Variants in TSHZ2 observed in about 807,000 individuals in gnomAD.
TSHZ2 encodes the protein teashirt homolog 2.
TSHZ2 carries 21 observed loss-of-function variants against 74.4 expected under a neutral mutation model. The observed-to-expected ratio is 0.28, with a 90% CI of 0.20 to 0.41. The LOEUF is 0.41. TSHZ2 is among the 10% of genes least tolerant of loss of function. The pLI, the probability that TSHZ2 is intolerant of heterozygous loss-of-function variation, is 1.00. For missense variants in TSHZ2, 1,244 were observed against 1,293.5 expected (o/e 0.96, Z 0.59); for synonymous variants, 540 against 515.3 (o/e 1.05, Z -0.65).
chr20:53,439,757 C>T (rs1028174125), intron 2 of TSHZ2, among the ~76,000 whole-genome samples: 2 of 152,162 alleles, frequency 1.3e-5, no homozygotes, highest in African/African-American at 2.4e-5. Context: ...GTTTCCACCC[C>T]CCTTGTTTTC....
chr20:53,012,736 A>T (rs1220855690), intron 1 of TSHZ2, among the ~76,000 whole-genome samples: 1 of 152,174 alleles, frequency 6.6e-6, no homozygotes, highest in Non-Finnish European at 1.5e-5. Flanking sequence ...ACACAGGTGC[A>T]CAAGTACACT....
intron 1 of TSHZ2, among the ~76,000 whole-genome samples, chr20:53,220,468 T>C (rs115569808): frequency 0.012 from 1,829 of 152,340 alleles, 30 homozygotes; most frequent in African/African-American, 0.042. Flanking sequence ...TTTGTTTGTT[T>C]GTGTTTTTTG....
intron 2 of TSHZ2, among the ~76,000 whole-genome samples, chr20:53,395,217 G>A (rs1047367152): frequency 9.9e-5 from 15 of 152,216 alleles, no homozygotes; most frequent in African/African-American, 3.6e-4. Flanking sequence ...TTGTCCTGGA[G>A]AAGCAGTTTC....
chr20:53,059,977 G>A (rs796401939), intron 1 of TSHZ2, among the ~76,000 whole-genome samples: 5 of 152,276 alleles, frequency 3.3e-5, no homozygotes, highest in South Asian at 2.1e-4. Context: ...GCCAAAGGCC[G>A]AGGGTTTGTA....
rs529341707 is a variant in TSHZ2, at chr20:53,247,037, G to GC, written c.41-6456dup. On this transcript the variant is annotated intron_variant, in intron 1 of 2. Transcript: ENST00000371497. Reference sequence around the variant, plus strand: ...GCAGAGTACTCATGGGCTCAGGATGGCCCCCCATCACTGTACCCACGCCAT... The same window carrying GC: ...GCAGAGTACTCATGGGCTCAGGATGGCCCCCCCATCACTGTACCCACGCCAT... 1.2e-4 allele frequency among the ~76,000 whole-genome samples: 19 copies of GC among 152,202 alleles called. No individual in the cohort carries two copies. In the East Asian group the frequency reaches 2.5e-3, roughly 20 times the overall value.
rs1184885442 is a variant in TSHZ2 at position 53,463,439 on chromosome 20, G to GAAGGAAGGAAGGAAGA, written c.*9-23704_*9-23703insAGGAAGGAAGGAAGAA. Among the ~76,000 whole-genome samples, 64 of 141,910 alleles carry GAAGGAAGGAAGGAAGA rather than the reference G, an allele frequency of 4.5e-4. 1 individual carries two copies. Among genetic ancestry groups the GAAGGAAGGAAGGAAGA allele is most frequent in the Non-Finnish European group, 6.3e-4 (41 of 65,166 alleles). The allele number at this position is 141,910 out of a possible 152,430, so 93.1% of individuals were successfully genotyped here. A position where few individuals can be genotyped will look rare whatever the true frequency, so the allele number is the denominator to read the frequency against. Reference sequence around the variant, plus strand: ...GGAAGGAAGGAAGGAAGGAAGGAGGGAGGGAGGGAAGGAAGGAAGGAAGGT... The same window carrying GAAGGAAGGAAGGAAGA: ...GGAAGGAAGGAAGGAAGGAAGGAGGGAAGGAAGGAAGGAAGAAGGGAGGGAAGGAAGGAAGGAAGGT... On this transcript the variant is annotated intron_variant, in intron 2 of 2. Coordinates refer to ENST00000371497, the MANE Select transcript of TSHZ2 (RefSeq NM_173485.6).
At chr20:53,261,607 A>G (rs1990602306) in intron 2 of TSHZ2, among the ~76,000 whole-genome samples, 1 of 152,240 alleles carries the variant, frequency 6.6e-6, no homozygotes, top group Non-Finnish European at 1.5e-5. Context: ...AACTCCGTCT[A>G]TGCATCTCAG....
At chr20:53,248,236 A>ATTTTTTTT (rs763355998) in intron 1 of TSHZ2, among the ~76,000 whole-genome samples, 1 of 144,930 alleles carries the variant, frequency 6.9e-6, no homozygotes. Context: ...ATGCCTGGCT[A>ATTTTTTTT]TTTTTTTTTT....
chr20:53,172,693 G>T (rs1216187116), intron 1 of TSHZ2, among the ~76,000 whole-genome samples: 3 of 152,214 alleles, frequency 2.0e-5, no homozygotes, highest in Non-Finnish European at 4.4e-5. Flanking sequence ...CTGTTTAACA[G>T]AGAGGAAACT....
At chr20:53,250,637 A>T (rs1478368146) in intron 1 of TSHZ2, among the ~76,000 whole-genome samples, 4 of 152,182 alleles carry the variant, frequency 2.6e-5, no homozygotes, top group Admixed American at 2.6e-4. Context: ...ACAGACAAAA[A>T]GGGTCTCTCA....
At chr20:53,170,665 C>T (rs1002211712) in intron 1 of TSHZ2, among the ~76,000 whole-genome samples, 2 of 152,226 alleles carry the variant, frequency 1.3e-5, no homozygotes, top group Non-Finnish European at 2.9e-5. Flanking sequence ...AATGTAACCC[C>T]AGTTGTGAAC....
At chr20:53,187,185 T>C (rs1395193828) in intron 1 of TSHZ2, among the ~76,000 whole-genome samples, 2 of 152,180 alleles carry the variant, frequency 1.3e-5, no homozygotes, top group Non-Finnish European at 2.9e-5. Flanking sequence ...AAAAATGTCA[T>C]GCCCAGATGA....
intron 1 of TSHZ2, among the ~76,000 whole-genome samples, chr20:53,235,141 G>A (rs981709087): frequency 2.9e-5 from 4 of 136,936 alleles, no homozygotes; most frequent in East Asian, 5.1e-4. Flanking sequence ...GCGGGGCGGG[G>A]GGGGGGGAAT....
At chr20:53,073,854 T>C (rs898022644) in intron 1 of TSHZ2, among the ~76,000 whole-genome samples, 4 of 152,222 alleles carry the variant, frequency 2.6e-5, no homozygotes, top group African/African-American at 9.6e-5. Flanking sequence ...AGTTTTCCAC[T>C]GACCTCAGTG....
intron 2 of TSHZ2, among the ~76,000 whole-genome samples, chr20:53,372,354 G>A (rs1214167158): frequency 6.6e-6 from 1 of 152,156 alleles, no homozygotes; most frequent in Non-Finnish European, 1.5e-5. Flanking sequence ...TCACGCACCT[G>A]TAGTCCCAGC....
chr20:53,126,238 C>T (rs1986944020), intron 1 of TSHZ2, among the ~76,000 whole-genome samples: 1 of 152,170 alleles, frequency 6.6e-6, no homozygotes, highest in African/African-American at 2.4e-5. Context: ...GAGCGATGTC[C>T]ACAAAGAGAG....
chr20:53,149,687 AC>A (rs1441142761), intron 1 of TSHZ2, among the ~76,000 whole-genome samples: 1 of 152,190 alleles, frequency 6.6e-6, no homozygotes, highest in Non-Finnish European at 1.5e-5. Context: ...CAGACTTGGT[AC>A]TATACAGGGC....
At chr20:53,326,460 C>A (rs369541114) in intron 2 of TSHZ2, among the ~76,000 whole-genome samples, 15 of 152,188 alleles carry the variant, frequency 9.9e-5, no homozygotes, top group African/African-American at 3.4e-4. Context: ...TCCTCAGCAA[C>A]GCCCATGATA....
intron 1 of TSHZ2, among the ~76,000 whole-genome samples, chr20:53,238,788 G>T (rs1989997206): frequency 7.4e-6 from 1 of 135,332 alleles, no homozygotes; most frequent in African/African-American, 2.8e-5. Context: ...GTTTTATACA[G>T]CCTGGACCTT....
Sources: allele counts gnomAD v4.1 joint callset (sites outside exome capture counted in the v4.1 genomes callset), GRCh38; gene constraint gnomAD v4.1.1; transcripts MANE v1.5; gene names NCBI Gene and HGNC (gene_info 2026-07-23, HGNC 2026-07-21).